DOCK3: variants seen among roughly 807,000 people sequenced by gnomAD.
DOCK3 encodes dedicator of cytokinesis protein 3.
In DOCK3, 60 loss-of-function variants were observed where a neutral mutation model predicts 265.6. The observed-to-expected ratio is 0.23, with a 90% confidence interval of 0.18 to 0.28. The LOEUF is 0.28. Among genes scored for constraint, DOCK3 ranks in the 10% least tolerant of loss-of-function variants. The pLI is 1.00. For synonymous variants in DOCK3, 881 were observed against 938.0 expected, an observed-to-expected ratio of 0.94 and a Z score of 1.11; for missense variants, 1,981 against 2,594.3, an observed-to-expected ratio of 0.76 and a Z score of 5.14.
At chr3:51,065,415 A>G (rs1380634410) in intron 6 of DOCK3, among the ~76,000 whole-genome samples, 2 of 152,190 alleles carry the variant, frequency 1.3e-5, no homozygotes, top group Non-Finnish European at 2.9e-5. Context: ...GCCGGAAAGT[A>G]GATGAAAGAT....
At chr3:50,958,011 C>CT (rs1357263306) in intron 5 of DOCK3, among the ~76,000 whole-genome samples, 29 of 151,998 alleles carry the variant, frequency 1.9e-4, no homozygotes, top group African/African-American at 6.8e-4. Context: ...GATTGCTCTT[C>CT]TTTTTCTCTC....
chr3:50,816,366 G>T (rs2044080433), intron 2 of DOCK3, among the ~76,000 whole-genome samples: 1 of 145,114 alleles, frequency 6.9e-6, no homozygotes, highest in Non-Finnish European at 1.5e-5. Flanking sequence ...CTGTCACCCA[G>T]GCTGGCGTGC....
intron 4 of DOCK3, among the ~76,000 whole-genome samples, chr3:50,899,176 A>G (rs560826922): frequency 4.2e-4 from 64 of 152,276 alleles, no homozygotes; most frequent in Middle Eastern, 3.4e-3. Context: ...TTGGGTGCAT[A>G]TATATTTAGG....
intron 1 of DOCK3, among the ~76,000 whole-genome samples, chr3:50,750,322 ATTTTT>A (rs34249464): frequency 1.4e-5 from 1 of 73,636 alleles, no homozygotes. Flanking sequence ...TCTACCTTTG[ATTTTT>A]TTTTTTTTTT....
chr3:51,223,946 G>T (rs2090209686), intron 14 of DOCK3, among the ~76,000 whole-genome samples: 1 of 152,116 alleles, frequency 6.6e-6, no homozygotes, highest in African/African-American at 2.4e-5. Flanking sequence ...TACCAGGAGG[G>T]CCCAAGCAGC....
Position 50,717,489 on chromosome 3 carries a change from A to G in DOCK3, c.37+42189A>G, listed in dbSNP as rs562429616. Reference sequence around the variant, plus strand: ...TGTGTATATATGTATGTGTGTATATATACCTTACTCTTATTGTAGCTTTTT... The same window carrying G: ...TGTGTATATATGTATGTGTGTATATGTACCTTACTCTTATTGTAGCTTTTT... On this transcript the variant is annotated intron_variant, in intron 1 of 52. Coordinates refer to ENST00000266037, the MANE Select transcript of DOCK3 (RefSeq NM_004947.5). Among the ~76,000 whole-genome samples the G allele has an allele frequency of 7.9e-5, 12 of 152,222 alleles. No homozygotes were observed. In the East Asian group the frequency reaches 2.3e-3, roughly 29 times the overall value.
chr3:50,792,172 T>G (rs1424124430), intron 2 of DOCK3, among the ~76,000 whole-genome samples: 1 of 152,058 alleles, frequency 6.6e-6, no homozygotes, highest in East Asian at 1.9e-4. Context: ...TAGACGTCTT[T>G]CACTTCTCTG....
chr3:51,330,843 A>AT (rs1205951590), intron 33 of DOCK3, among the ~76,000 whole-genome samples: 1 of 152,160 alleles, frequency 6.6e-6, no homozygotes, highest in African/African-American at 2.4e-5. Context: ...TGATGTTGCT[A>AT]TTTTATCTTC....
intron 1 of DOCK3, among the ~76,000 whole-genome samples, chr3:50,728,712 A>C (rs1559559353): frequency 8.2e-6 from 1 of 121,282 alleles, no homozygotes; most frequent in African/African-American, 3.3e-5. Context: ...GAGTGATACT[A>C]TATTAAATAA....
intron 1 of DOCK3, among the ~76,000 whole-genome samples, chr3:50,699,862 C>T (rs1563684): frequency 0.78 from 119,090 of 152,122 alleles, 47,675 homozygotes; most frequent in Middle Eastern, 0.89. Flanking sequence ...ACATAATAAT[C>T]GTACATATTT....
intron 5 of DOCK3, among the ~76,000 whole-genome samples, chr3:51,054,157 G>C (rs1174950736): frequency 6.7e-6 from 1 of 149,720 alleles, no homozygotes; most frequent in African/African-American, 2.4e-5. Flanking sequence ...GAGTTTGTGG[G>C]AGAATTTTTA....
chr3:51,041,444 C>T (rs2080528691), intron 5 of DOCK3, among the ~76,000 whole-genome samples: 2 of 151,426 alleles, frequency 1.3e-5, no homozygotes, highest in African/African-American at 4.9e-5. Context: ...GTCTCGATCT[C>T]CTGACCTCAT....
chr3:51,209,983 A>G (rs1218141268), intron 13 of DOCK3, among the ~76,000 whole-genome samples: 1 of 152,244 alleles, frequency 6.6e-6, no homozygotes, highest in Non-Finnish European at 1.5e-5. Context: ...AGAGACAAAT[A>G]AAATTTTGTT....
At chr3:51,307,392 C>T (rs1484469603) in intron 27 of DOCK3, among the ~76,000 whole-genome samples, 1 of 152,186 alleles carries the variant, frequency 6.6e-6, no homozygotes, top group East Asian at 1.9e-4. Flanking sequence ...ACTAGGATTA[C>T]AGATGTGAGC....
chr3:51,049,079 C>G (rs2080889678), intron 5 of DOCK3, among the ~76,000 whole-genome samples: 1 of 152,168 alleles, frequency 6.6e-6, no homozygotes, highest in Non-Finnish European at 1.5e-5. Flanking sequence ...GTAATCCCAG[C>G]ACTTTGGGAG....
chr3:51,130,823 T>C (rs1313981165), intron 9 of DOCK3, among the ~76,000 whole-genome samples: 1 of 152,170 alleles, frequency 6.6e-6, no homozygotes, highest in African/African-American at 2.4e-5. Flanking sequence ...TTCTCATGCC[T>C]CAGCCTCCCG....
At chr3:51,231,982 C>T (rs1257044502) in intron 19 of DOCK3, among the ~76,000 whole-genome samples, 1 of 152,138 alleles carries the variant, frequency 6.6e-6, no homozygotes, top group African/African-American at 2.4e-5. Flanking sequence ...GAATAATGTA[C>T]TAGCTGCAGC....
At chr3:50,690,815 G>A (rs2035182823) in intron 1 of DOCK3, among the ~76,000 whole-genome samples, 1 of 151,340 alleles carries the variant, frequency 6.6e-6, no homozygotes. Context: ...GCTAATTTTT[G>A]TATTCTTAGT....
In DOCK3 at chr3:51,375,753, G is replaced by A. The variant is rs1039888743; in HGVS notation, c.5418G>A (p.Pro1806=). 3.1e-6 allele frequency: 5 copies of A among 1,613,928 alleles called. No individual in the cohort carries two copies. The highest frequency in any genetic ancestry group is 1.3e-5 in the African/African-American group (1 of 75,008). Residue 1806 remains proline, a synonymous_variant, in exon 51 of 53, where the codon CCG becomes CCA. Coordinates refer to ENST00000266037, the MANE Select transcript of DOCK3 (RefSeq NM_004947.5). ...TGTTTATCTCCTTCCTTCAGCCGCC[G>A]AATTTCCAGCGAGCCCTGTTCCAGC... ...PAAILENGQP[P]NFQRALFQQV...
Sources: allele counts gnomAD v4.1 joint callset (sites outside exome capture counted in the v4.1 genomes callset), GRCh38; gene constraint gnomAD v4.1.1; transcripts MANE v1.5; gene names NCBI Gene and HGNC (gene_info 2026-07-23, HGNC 2026-07-21).